Variants in GPC5 observed in about 807,000 individuals in gnomAD.
The protein encoded by GPC5 is glypican-5.
Under a neutral mutation model 53.9 loss-of-function variants are expected in GPC5, and 47 were observed. The observed-to-expected ratio is 0.87, with a 90% CI of 0.69 to 1.11. The LOEUF (loss-of-function observed/expected upper bound fraction) is 1.11, where lower values mean the gene tolerates loss of function less well. GPC5 is among the 50% of genes most tolerant of loss of function. GPC5 has a pLI of 0.00. For missense variants in GPC5, 748 were observed against 713.1 expected (o/e 1.05, Z -0.56); for synonymous variants, 286 against 263.3 (o/e 1.09, Z -0.84).
intron 7 of GPC5, among the ~76,000 whole-genome samples, chr13:92,839,546 A>T (rs556619042): frequency 3.6e-4 from 55 of 152,130 alleles, no homozygotes; most frequent in African/African-American, 1.3e-3. Flanking sequence ...AAGTGAAAAC[A>T]TGTGGTATTT....
intron 2 of GPC5, among the ~76,000 whole-genome samples, chr13:91,651,837 G>C (rs2034718969): frequency 6.6e-6 from 1 of 152,176 alleles, no homozygotes. Context: ...CCTGATGACT[G>C]ATAACAAATT....
chr13:92,590,141 G>A (rs1197262465), intron 7 of GPC5, among the ~76,000 whole-genome samples: 11 of 152,180 alleles, frequency 7.2e-5, no homozygotes, highest in African/African-American at 2.7e-4. Flanking sequence ...GCCAACATGA[G>A]GGGATGTCTT....
At chr13:91,855,905 A>C (rs1459729604) in intron 5 of GPC5, among the ~76,000 whole-genome samples, 2 of 151,624 alleles carry the variant, frequency 1.3e-5, no homozygotes, top group Non-Finnish European at 3.0e-5. Flanking sequence ...AAATTCATGT[A>C]GCCAAAACCT....
chr13:91,722,136 CTG>C (rs2036487154), intron 3 of GPC5, among the ~76,000 whole-genome samples: 1 of 152,016 alleles, frequency 6.6e-6, no homozygotes, highest in Admixed American at 6.5e-5. Context: ...ATCTTTAAAA[CTG>C]GAAATCAGGA....
chr13:91,822,181 C>T (rs1380086753), intron 5 of GPC5, among the ~76,000 whole-genome samples: 2 of 152,146 alleles, frequency 1.3e-5, no homozygotes, highest in East Asian at 3.9e-4. Flanking sequence ...AGAAGTTATT[C>T]ATGTTACAGT....
At chr13:91,457,509 C>A (rs1881645585) in intron 2 of GPC5, among the ~76,000 whole-genome samples, 1 of 152,014 alleles carries the variant, frequency 6.6e-6, no homozygotes, top group South Asian at 2.1e-4. Context: ...CTTCCTTCTG[C>A]CTGTTGTCAG....
chr13:92,141,080 G>T (rs1218784845), intron 6 of GPC5, among the ~76,000 whole-genome samples: 1 of 152,166 alleles, frequency 6.6e-6, no homozygotes, highest in African/African-American at 2.4e-5. Flanking sequence ...AAGAAATCAG[G>T]ATAGTGTAGT....
chr13:91,889,878 T>C (rs1278951996), intron 5 of GPC5, among the ~76,000 whole-genome samples: 3 of 152,156 alleles, frequency 2.0e-5, no homozygotes, highest in Non-Finnish European at 4.4e-5. Flanking sequence ...CAATGATAAG[T>C]GCATCCTGGA....
intron 6 of GPC5, among the ~76,000 whole-genome samples, chr13:92,124,943 C>T (rs1405513938): frequency 6.6e-6 from 1 of 152,130 alleles, no homozygotes; most frequent in East Asian, 1.9e-4. Flanking sequence ...AGACCTGGTG[C>T]CTTGCTGCTA....
chr13:91,402,614 A>C (rs1292931455), intron 1 of GPC5, among the ~76,000 whole-genome samples: 1 of 152,234 alleles, frequency 6.6e-6, no homozygotes, highest in African/African-American at 2.4e-5. Context: ...ATATTCTTAA[A>C]AAGTGTTTGC....
chr13:91,543,175 T>C (rs1258036139), intron 2 of GPC5, among the ~76,000 whole-genome samples: 2 of 151,864 alleles, frequency 1.3e-5, no homozygotes, highest in Admixed American at 6.6e-5. Flanking sequence ...GTATTTTTAA[T>C]AGAGACCTGG....
chr13:92,413,963 C>T (rs1182241268), intron 7 of GPC5, among the ~76,000 whole-genome samples: 1 of 151,854 alleles, frequency 6.6e-6, no homozygotes, highest in Non-Finnish European at 1.5e-5. Flanking sequence ...TTTCATGGTC[C>T]CATTTTTCTA....
intron 7 of GPC5, among the ~76,000 whole-genome samples, chr13:92,478,521 A>G (rs544005186): frequency 6.6e-6 from 1 of 152,226 alleles, no homozygotes; most frequent in Admixed American, 6.5e-5. Context: ...TTCGCTAAAA[A>G]TGTATGCCTA....
intron 7 of GPC5, among the ~76,000 whole-genome samples, chr13:92,396,648 A>C (rs553578181): frequency 6.6e-6 from 1 of 152,286 alleles, no homozygotes; most frequent in Non-Finnish European, 1.5e-5. Context: ...GTTAAGCCCC[A>C]CATGCATTAG....
At chr13:92,187,904 T>A (rs1484353511) in intron 7 of GPC5, among the ~76,000 whole-genome samples, 1 of 152,230 alleles carries the variant, frequency 6.6e-6, no homozygotes, top group African/African-American at 2.4e-5. Context: ...TTTTCTTTAC[T>A]CCCTTCAAGA....
At chr13:92,602,322 G>C (rs1302748636) in intron 7 of GPC5, among the ~76,000 whole-genome samples, 2 of 146,688 alleles carry the variant, frequency 1.4e-5, no homozygotes, top group African/African-American at 5.0e-5. Flanking sequence ...GTCCCTCTGT[G>C]GCATTTAAAA....
At chr13:91,992,384 C>T (rs192735677) in intron 6 of GPC5, among the ~76,000 whole-genome samples, 23 of 151,516 alleles carry the variant, frequency 1.5e-4, no homozygotes, top group Admixed American at 1.2e-3. Flanking sequence ...CATAACCATT[C>T]TTTAAAGAGC....
intron 2 of GPC5, among the ~76,000 whole-genome samples, chr13:91,603,393 G>A (rs2033243713): frequency 6.6e-6 from 1 of 152,190 alleles, no homozygotes; most frequent in Non-Finnish European, 1.5e-5. Flanking sequence ...GCTTAGAAGT[G>A]CACATCTTTG....
intron 6 of GPC5, among the ~76,000 whole-genome samples, chr13:92,070,012 C>T (rs1215616834): frequency 6.6e-6 from 1 of 152,144 alleles, no homozygotes; most frequent in Non-Finnish European, 1.5e-5. Context: ...TGAGCCCAAT[C>T]TAATCACTAT....
Sources: allele counts gnomAD v4.1 joint callset (sites outside exome capture counted in the v4.1 genomes callset), GRCh38; gene constraint gnomAD v4.1.1; transcripts MANE v1.5; gene names NCBI Gene and HGNC (gene_info 2026-07-23, HGNC 2026-07-21).